VAMP1: variants seen among roughly 807,000 people sequenced by gnomAD.
VAMP1 encodes vesicle associated membrane protein 1.
In VAMP1, 16 loss-of-function variants were observed where a neutral mutation model predicts 19.1. The observed-to-expected ratio is 0.84, with a 90% CI of 0.57 to 1.27. The LOEUF is 1.27. Ranked by LOEUF, VAMP1 falls within the 50% of genes most tolerant of loss-of-function variation. VAMP1 has a pLI of 0.00. For missense variants in VAMP1, 109 were observed against 145.4 expected, an observed-to-expected ratio of 0.75 and a Z score of 1.29; for synonymous variants, 37 against 50.2, an observed-to-expected ratio of 0.74 and a Z score of 1.11.
At chr12:6,469,416 A>C (rs1406755866) in intron 1 of VAMP1, among the ~76,000 whole-genome samples, 2 of 152,194 alleles carry the variant, frequency 1.3e-5, no homozygotes, top group Admixed American at 6.5e-5. Flanking sequence ...CCCCCTCCCC[A>C]AAATGAAAAC....
Position 6,470,584 on chromosome 12 carries a change from C to A in VAMP1, c.-53G>T. On this transcript the variant is annotated 5_prime_UTR_variant, in exon 1 of 5. Transcript: ENST00000396308. Reference sequence around the variant, plus strand: ...TTCCTCTCCGGAGGCTGCGGCGAGACACCCGGTGAGGGACGCTGCGGCTGA... The same window carrying A: ...TTCCTCTCCGGAGGCTGCGGCGAGAAACCCGGTGAGGGACGCTGCGGCTGA... 1 of 1,612,644 alleles carries A rather than the reference C, an allele frequency of 6.2e-7. No individual in the cohort carries two copies. The highest frequency in any genetic ancestry group is 8.5e-7 in the Non-Finnish European group (1 of 1,178,912).
intron 4 of VAMP1, 36 bp downstream of exon 4, chr12:6,464,854 C>T: frequency 6.2e-7 from 1 of 1,613,750 alleles, no homozygotes; most frequent in African/African-American, 1.3e-5. Context: ...GACCTTCCCA[C>T]CTCTTCACCC....
chr12:6,465,713 C>T (rs1950005977), intron 3 of VAMP1, 129 bp downstream of exon 3: 4 of 1,306,796 alleles, frequency 3.1e-6, no homozygotes, highest in South Asian at 3.0e-5. Flanking sequence ...TCCAGATTTC[C>T]TCCCAAGCGT....
chr12:6,464,892 A>G lies in VAMP1; in HGVS notation c.338T>C (p.Val113Ala). 6.2e-7 allele frequency: 1 copy of G among 1,614,050 alleles called. No individual in the cohort carries two copies. Among genetic ancestry groups the G allele is most frequent in the South Asian group, 1.1e-5 (1 of 91,078 alleles). ...CCAGCAACTTCAGCGATACTTACTTACAATAACTACCACGATGATGGCACA... is the reference window on the plus strand; with the variant it reads ...CCAGCAACTTCAGCGATACTTACTTGCAATAACTACCACGATGATGGCACA... ...AICAIIVVVI[V>A]IYFFT Residue 113 changes from valine (V) to alanine (A), a missense_variant and splice_region_variant, in exon 4 of 5, where the codon GTA becomes GCA. By Grantham distance (64) the Val-to-Ala change is moderately conservative. Transcript: ENST00000396308.
At position 6,465,977 on chromosome 12, in the gene VAMP1, G is replaced by A. The variant is rs371134562; in HGVS notation, c.153C>T (p.Asn51=). The A allele has an allele frequency of 2.2e-5, 35 of 1,614,106 alleles. No homozygotes were observed. The highest frequency in any genetic ancestry group is 1.8e-4 in the East Asian group (8 of 44,888). Residue 51 remains asparagine, a synonymous_variant, in exon 3 of 5, where the codon AAC becomes AAT. Coordinates refer to ENST00000396308, the MANE Select transcript of VAMP1 (RefSeq NM_014231.5). ...VEEVVDIIRV[N]VDKVLERDQK... is the part of the protein sequence containing the mutation. ...GGTCCCTCTCCAGGACCTTGTCCAC[G>A]TTCACACGTATGATGTCCACCACCT...
Position 6,466,314 on chromosome 12 carries a change from CT to C in VAMP1, c.39del (p.Thr15LeufsTer14). On this transcript the variant is annotated frameshift_variant, in exon 2 of 5. Transcript: ENST00000396308. LOFTEE classifies it high-confidence loss of function. ...GGGGGACCCCCACCTGGGGCAGTCCCTTCTGTCCCTTCAGCAGGTGGCTGAG... is the reference window on the plus strand; with the variant it reads ...GGGGGACCCCCACCTGGGGCAGTCCCTCTGTCCCTTCAGCAGGTGGCTGAG... ...APAQPPAEGT[E>X]GTAPGGGPPG... The C allele has an allele frequency of 1.2e-6, 2 of 1,614,074 alleles. No homozygotes were observed. The highest frequency in any genetic ancestry group is 4.5e-5 in the East Asian group (2 of 44,880).
At position 6,464,161 on chromosome 12, in the gene VAMP1, C is replaced by G. The variant is rs1226637660; in HGVS notation, c.*309G>C. 3 of 1,424,988 alleles carry G rather than the reference C, an allele frequency of 2.1e-6. No homozygotes were observed. The South Asian group carries it at 3.6e-5, about 17-fold the overall frequency. The allele number at this position is 1,424,988 out of a possible 1,614,324, so 88.3% of individuals were successfully genotyped here. On this transcript the variant is annotated 3_prime_UTR_variant, in exon 5 of 5. Coordinates refer to ENST00000396308, the MANE Select transcript of VAMP1 (RefSeq NM_014231.5). ...TGGGTACTTCGCCTCAGCCACTCCCCTCCCTGCCCCTTCCCTTGGCCTCCA... is the reference window on the plus strand; with the variant it reads ...TGGGTACTTCGCCTCAGCCACTCCCGTCCCTGCCCCTTCCCTTGGCCTCCA...
At position 6,464,354 on chromosome 12, in the gene VAMP1, A is replaced by G. The variant is rs2137002803; in HGVS notation, c.*116T>C. ...ACGAAAAAGGAGGAATGGGTGATGGAGAAGCCTGGGCTGGAATGGAGGACG... is the reference window on the plus strand; with the variant it reads ...ACGAAAAAGGAGGAATGGGTGATGGGGAAGCCTGGGCTGGAATGGAGGACG... On this transcript the variant is annotated 3_prime_UTR_variant, in exon 5 of 5. Coordinates refer to ENST00000396308, the MANE Select transcript of VAMP1 (RefSeq NM_014231.5). 6.4e-7 allele frequency: 1 copy of G among 1,551,554 alleles called. No individual in the cohort carries two copies. The highest frequency in any genetic ancestry group is 8.7e-7 in the Non-Finnish European group (1 of 1,146,916).
At position 6,466,206 on chromosome 12, in the gene VAMP1, G is replaced by GA; in HGVS notation, c.129+18dup. ...ACTCCTAGATTTGGAAACTTTCAGA[G>GA]AAACAGCTATCTACCTACCTCCTCC... On this transcript the variant is annotated intron_variant, in intron 2 of 4. Coordinates refer to ENST00000396308, the MANE Select transcript of VAMP1 (RefSeq NM_014231.5). 6.2e-7 allele frequency: 1 copy of GA among 1,614,112 alleles called. No individual in the cohort carries two copies. The highest frequency in any genetic ancestry group is 1.3e-5 in the African/African-American group (1 of 75,072).
chr12:6,469,377 G>T (rs1188977214), intron 1 of VAMP1, among the ~76,000 whole-genome samples: 1 of 152,172 alleles, frequency 6.6e-6, no homozygotes, highest in African/African-American at 2.4e-5. Context: ...GTTGCCTTCT[G>T]TTCATCCCAC....
chr12:6,468,101 C>T (rs1343390444), intron 1 of VAMP1, among the ~76,000 whole-genome samples: 13 of 152,212 alleles, frequency 8.5e-5, no homozygotes, highest in Admixed American at 8.5e-4. Flanking sequence ...TGGAACACTG[C>T]CTAGTGGAGC....
In VAMP1 at chr12:6,465,345, GAAAAAGA is replaced by G. The variant is rs776425328; in HGVS notation, c.289-411_289-405del. 5.1e-4 allele frequency: 131 copies of G among 255,298 alleles called. 1 individual carries two copies. Among genetic ancestry groups the G allele is most frequent in the African/African-American group, 4.7e-3 (114 of 24,322 alleles). The allele number at this position is 255,298 out of a possible 1,614,324, so 15.8% of individuals were successfully genotyped here. ...TCAATCTGAGAAAGCTGATTTAAAA[GAAAAAGA>G]AAAAAGTATATATATATATAAATGT... On this transcript the variant is annotated intron_variant, in intron 3 of 4. Coordinates refer to ENST00000396308, the MANE Select transcript of VAMP1 (RefSeq NM_014231.5).
chr12:6,464,804 C>T, intron 4 of VAMP1, 86 bp downstream of exon 4: 1 of 1,603,544 alleles, frequency 6.2e-7, no homozygotes, highest in Non-Finnish European at 8.5e-7. Context: ...AGAGCAGCCC[C>T]ACTCCCCAGG....
rs762362103 is a variant in VAMP1, at chr12:6,465,863, C to T, written c.267G>A (p.Lys89=). The T allele has an allele frequency of 6.2e-7, 1 of 1,614,196 alleles. No individual in the cohort carries two copies. Among genetic ancestry groups the T allele is most frequent in the Non-Finnish European group, 8.5e-7 (1 of 1,180,032 alleles). ...FESSAAKLKR[K]YWWKNCKMMI... Reference sequence around the variant, plus strand: ...TCACCTTGCAGTTTTTCCACCAATACTTCCTCTTTAGCTTGGCAGCACTGC... The same window carrying T: ...TCACCTTGCAGTTTTTCCACCAATATTTCCTCTTTAGCTTGGCAGCACTGC... The change falls in exon 3 of 5, where the codon AAG becomes AAA. Residue 89 remains lysine (K), a synonymous_variant. Transcript: ENST00000396308.
chr12:6,464,323 A>T lies in VAMP1; in HGVS notation c.*147T>A. 1 of 1,548,848 alleles carries T rather than the reference A, an allele frequency of 6.5e-7. No individual in the cohort carries two copies. The highest frequency in any genetic ancestry group is 2.0e-5 in the Admixed American group (1 of 50,926). On this transcript the variant is annotated 3_prime_UTR_variant, in exon 5 of 5. Coordinates refer to ENST00000396308, the MANE Select transcript of VAMP1 (RefSeq NM_014231.5). ...AGTGTTGAGGGACAGAGTGCAAATG[A>T]ACGCAACGAAAAAGGAGGAATGGGT...
chr12:6,464,403 G>C lies in VAMP1; in HGVS notation c.*67C>G. The C allele has an allele frequency of 1.3e-6, 2 of 1,556,812 alleles. No individual in the cohort carries two copies. Among genetic ancestry groups the C allele is most frequent in the Non-Finnish European group, 1.7e-6 (2 of 1,150,000 alleles). On this transcript the variant is annotated 3_prime_UTR_variant, in exon 5 of 5. Transcript: ENST00000396308. ...CGGTGGGTGGGGAAGTGTGTTGAGA[G>C]AGCAAACAGAGGGCAGAGGACATGA...
chr12:6,465,615 G>A (rs1950003635), intron 3 of VAMP1, among the ~76,000 whole-genome samples: 1 of 151,454 alleles, frequency 6.6e-6, no homozygotes, highest in Non-Finnish European at 1.5e-5. Flanking sequence ...AACTCCTCAG[G>A]GTATCACTTT....
Position 6,463,362 on chromosome 12 carries a change from A to C in VAMP1, c.*1108T>G. 9.1e-7 allele frequency: 1 copy of C among 1,098,944 alleles called. No homozygotes were observed. Among genetic ancestry groups the C allele is most frequent in the African/African-American group, 1.6e-5 (1 of 60,742 alleles). 68.1% of individuals were successfully genotyped at this position (1,098,944 alleles called of 1,614,324 possible). On this transcript the variant is annotated 3_prime_UTR_variant, in exon 5 of 5. Transcript: ENST00000396308. The surrounding 1 kb of genome is among the most constrained non-coding windows in gnomAD (Gnocchi z 4.0). ...TGGTGGGTCTACATGACTTCTCTGC[A>C]TCCTGAGGATCGGCCGGGCCCCAGG...
rs2534720 is a variant in VAMP1, at chr12:6,470,399, A to G, written c.2+131T>C. 1,402,348 of 1,402,352 alleles carry G rather than the reference A, an allele frequency of 1. 701,172 individuals carry two copies. Among genetic ancestry groups the G allele is most frequent in the Middle Eastern group, 1 (5,434 of 5,434 alleles). The allele number at this position is 1,402,352 out of a possible 1,614,324, so 86.9% of individuals were successfully genotyped here. Reference sequence around the variant, plus strand: ...CTCCCTGGGGGTGGCCCGGTCCGGAAGCGGCGCGCGGTGGTAGTTCCCCGC... The same window carrying G: ...CTCCCTGGGGGTGGCCCGGTCCGGAGGCGGCGCGCGGTGGTAGTTCCCCGC... On this transcript the variant is annotated intron_variant, in intron 1 of 4. Coordinates refer to ENST00000396308, the MANE Select transcript of VAMP1 (RefSeq NM_014231.5).
Sources: gnomAD v4.1 joint callset for allele counts (sites outside exome capture counted in the v4.1 genomes callset) on GRCh38, gnomAD v4.1.1 for gene constraint, Gnocchi (gnomAD v3.1) non-coding constraint, MANE v1.5 for transcripts, NCBI Gene and HGNC (gene_info 2026-07-23, HGNC 2026-07-21) for gene names.